VSIG10L: variants seen among roughly 807,000 people sequenced by gnomAD.
VSIG10L encodes the protein V-set and immunoglobulin domain containing 10 like.
VSIG10L carries 63 observed loss-of-function variants against 67.3 expected under a neutral mutation model. The observed-to-expected ratio is 0.94, with a 90% CI of 0.76 to 1.15. The LOEUF (loss-of-function observed/expected upper bound fraction) is 1.15. Among genes scored for constraint, VSIG10L ranks in the 50% most tolerant of loss-of-function variants. The pLI, the probability that VSIG10L is intolerant of heterozygous loss-of-function variation, is 0.00. For synonymous variants in VSIG10L, 499 were observed against 524.9 expected (o/e 0.95, Z 0.67); for missense variants, 1,050 against 1,177.5 (o/e 0.89, Z 1.58).
intron 4 of VSIG10L, chr19:51,339,641 C>G (rs1175507600): frequency 4.6e-6 from 1 of 216,956 alleles, no homozygotes; most frequent in East Asian, 1.0e-4. Context: ...TAGTTCTTTC[C>G]TTTTCTAACT....
chr19:51,339,793 C>G, intron 4 of VSIG10L: 1 of 481,370 alleles, frequency 2.1e-6, no homozygotes, highest in Non-Finnish European at 3.3e-6. Flanking sequence ...TATCCTCTTT[C>G]TGGCCCCGCC....
Position 51,341,951 on chromosome 19 carries a change from A to G in VSIG10L, c.97T>C (p.Phe33Leu). 6.4e-7 allele frequency: 1 copy of G among 1,551,680 alleles called. No individual in the cohort carries two copies. The highest frequency in any genetic ancestry group is 8.7e-7 in the Non-Finnish European group (1 of 1,146,980). ...RASSGLQQTN[F>L]SSAFSSDSKS... is the part of the protein sequence containing the mutation. ...GAGTCTGAAGAGAAGGCAGAGGAGA[A>G]GTTGGTTTGCTGAAGTCCAGAAGAG... The change falls in exon 2 of 10, where the codon TTC (phenylalanine) becomes CTC (leucine). Residue 33 changes from phenylalanine (F) to leucine (L), a missense_variant. Phe to Leu is a conservative substitution (Grantham distance 22, BLOSUM62 0). Around this residue, in one of 3 missense-constraint regions of VSIG10L, gnomAD observed 511 missense variants for 557.9 expected, o/e 0.92. Coordinates refer to ENST00000335624, the MANE Select transcript of VSIG10L (RefSeq NM_001163922.3).
intron 9 of VSIG10L, among the ~76,000 whole-genome samples, 182 bp downstream of exon 9, chr19:51,333,609 C>T (rs1348300749): frequency 6.6e-6 from 1 of 151,850 alleles, no homozygotes; most frequent in African/African-American, 2.4e-5. Context: ...TTTTAATATA[C>T]ATCAAAGTTG....
chr19:51,337,618 G>C, intron 6 of VSIG10L, 84 bp from the exon 7 acceptor site: 2 of 995,616 alleles, frequency 2.0e-6, no homozygotes, highest in Non-Finnish European at 2.8e-6. Context: ...CTGGGTCTGA[G>C]GGGGAGGGGG....
chr19:51,339,373 AATG>A (rs1460618040), intron 4 of VSIG10L, among the ~76,000 whole-genome samples: 5 of 151,936 alleles, frequency 3.3e-5, no homozygotes, highest in Non-Finnish European at 7.4e-5. Context: ...ATCTTCACAC[AATG>A]ATATTTCTCT....
rs1169583988 is a variant in VSIG10L, at chr19:51,340,484, C to T, written c.1138G>A (p.Val380Ile). 1 of 1,516,644 alleles carries T rather than the reference C, an allele frequency of 6.6e-7. No homozygotes were observed. The highest frequency in any genetic ancestry group is 8.8e-7 in the Non-Finnish European group (1 of 1,133,364). 93.9% of individuals were successfully genotyped at this position (1,516,644 alleles called of 1,614,324 possible). ...RSDHARYTCRVRSPFGHREAA... is the reference protein window; with the variant it reads ...RSDHARYTCRIRSPFGHREAA... ...TCCCTGTGGCCGAAGGGGCTGCGGACGCGGCAAGTGTACCGGGCGTGGTCG... is the reference window on the plus strand; with the variant it reads ...TCCCTGTGGCCGAAGGGGCTGCGGATGCGGCAAGTGTACCGGGCGTGGTCG... The change falls in exon 3 of 10, where the codon GTC (valine) becomes ATC (isoleucine). Residue 380 changes from valine to isoleucine, a missense_variant. Physicochemically the swap from Val to Ile is conservative, Grantham distance 29. Coordinates refer to ENST00000335624, the MANE Select transcript of VSIG10L (RefSeq NM_001163922.3). This position sits in a 1 kb window ranked among gnomAD's most constrained non-coding sequence, Gnocchi z 6.3.
intron 5 of VSIG10L, 43 bp downstream of exon 5, chr19:51,338,845 C>T (rs1457446836): frequency 1.5e-6 from 2 of 1,351,378 alleles, no homozygotes; most frequent in South Asian, 1.8e-5. Flanking sequence ...AAAAAGTCTC[C>T]CTCCTCCTCG....
chr19:51,340,469 C>A lies in VSIG10L; in HGVS notation c.1153G>T (p.Gly385Cys). The A allele has an allele frequency of 1.3e-6, 2 of 1,507,528 alleles. No individual in the cohort carries two copies. The highest frequency in any genetic ancestry group is 1.8e-6 in the Non-Finnish European group (2 of 1,128,116). The allele number at this position is 1,507,528 out of a possible 1,614,324, so 93.4% of individuals were successfully genotyped here. Residue 385 changes from glycine to cysteine, a missense_variant, in exon 3 of 10, where the codon GGC (glycine) becomes TGC (cysteine). Physicochemically the swap from Gly to Cys is radical, Grantham distance 159. Transcript: ENST00000335624. This position sits in a 1 kb window ranked among gnomAD's most constrained non-coding sequence, Gnocchi z 6.3. ...ACGTCGGCGGCAGCCTCCCTGTGGCCGAAGGGGCTGCGGACGCGGCAAGTG... is the reference window on the plus strand; with the variant it reads ...ACGTCGGCGGCAGCCTCCCTGTGGCAGAAGGGGCTGCGGACGCGGCAAGTG... ...RYTCRVRSPF[G>C]HREAAADVSV...
chr19:51,340,253 G>T lies in VSIG10L; in HGVS notation c.1236C>A (p.Ala412=). The change falls in exon 4 of 10, where the codon GCC becomes GCA. Residue 412 remains alanine (A), a synonymous_variant. Transcript: ENST00000335624. This position sits in a 1 kb window ranked among gnomAD's most constrained non-coding sequence, Gnocchi z 6.3. ...PTITVSSDRD[A]APARFVTAGS... ...CCGCGGTGACAAAGCGGGCAGGCGC[G>T]GCGTCGCGGTCCGAGGAGACCGTGA... is the stretch of plus-strand genomic sequence containing the variant. 2 of 1,513,390 alleles carry T rather than the reference G, an allele frequency of 1.3e-6. No homozygotes were observed. The highest frequency in any genetic ancestry group is 2.1e-4 in the Middle Eastern group (1 of 4,718). The allele number at this position is 1,513,390 out of a possible 1,614,324, so 93.7% of individuals were successfully genotyped here.
Position 51,332,612 on chromosome 19 carries a change from TAC to T in VSIG10L, c.2601_2602del (p.Ter868GlyfsTer14). The T allele has an allele frequency of 3.3e-6, 5 of 1,537,652 alleles. No homozygotes were observed. The highest frequency in any genetic ancestry group is 3.3e-4 in the Middle Eastern group (2 of 5,972). On this transcript the variant is annotated frameshift_variant and stop_lost, in exon 10 of 10. Transcript: ENST00000335624. LOFTEE classifies it high-confidence loss of function. ...CGCGAACAGTCTTTGAGCCTCCGCC[TAC>T]AGAGACAACTGAACTGGGGTCTGTG...
At position 51,341,913 on chromosome 19, in the gene VSIG10L, G is replaced by A. The variant is rs555114719; in HGVS notation, c.135C>T (p.Ser45=). ...AGGGAACTTCCACACCCAGCCCCTG[G>A]GAAGAGCTCTTTGAGTCTGAAGAGA... ...SAFSSDSKSS[S]QGLGVEVPSI... is the part of the protein sequence containing the mutation. The change falls in exon 2 of 10, where the codon TCC becomes TCT. Residue 45 remains serine, a synonymous_variant. Coordinates refer to ENST00000335624, the MANE Select transcript of VSIG10L (RefSeq NM_001163922.3). 336 of 1,551,704 alleles carry A rather than the reference G, an allele frequency of 2.2e-4. No individual in the cohort carries two copies. Among genetic ancestry groups the A allele is most frequent in the Non-Finnish European group, 2.8e-4 (319 of 1,146,992 alleles).
intron 7 of VSIG10L, among the ~76,000 whole-genome samples, chr19:51,336,004 A>G (rs1041886558): frequency 2.6e-5 from 4 of 152,200 alleles, no homozygotes; most frequent in African/African-American, 9.7e-5. Context: ...TTTGGGAGTC[A>G]TCTGATTATT....
rs1441403525 is a variant in VSIG10L, at chr19:51,337,418, G to A, written c.2125C>T (p.Pro709Ser). 1.3e-6 allele frequency: 2 copies of A among 1,551,592 alleles called. No individual in the cohort carries two copies. The highest frequency in any genetic ancestry group is 4.9e-5 in the East Asian group (2 of 40,930). The change falls in exon 7 of 10, where the codon CCT (proline) becomes TCT (serine). Residue 709 changes from proline to serine, a missense_variant. By Grantham distance (74) the Pro-to-Ser change is moderately conservative. Around this residue, in one of 3 missense-constraint regions of VSIG10L, gnomAD observed 529 missense variants for 584.9 expected, o/e 0.90. Transcript: ENST00000335624. ...TAGGTGGAAGTCCTGCCCAGAGCAG[G>A]CCCATCTGGCCATGCCTGGATCTCA... ...SFEIQAWPDGPALGRTSTYRD... is the reference protein window; with the variant it reads ...SFEIQAWPDGSALGRTSTYRD...
intron 4 of VSIG10L, 69 bp from the exon 5 acceptor site, chr19:51,339,211 C>T: frequency 7.9e-7 from 1 of 1,260,520 alleles, no homozygotes; most frequent in Non-Finnish European, 1.0e-6. Context: ...CGCCTCCCCG[C>T]GCGGTGACTC....
In VSIG10L at chr19:51,340,672, G is replaced by T; in HGVS notation, c.950C>A (p.Ala317Glu). ...CAGGCAGCGCAGCCGGAGCTCGGCC[G>T]CCCCCTCCTCTGTCTCTGGAGCCTT... is the stretch of plus-strand genomic sequence containing the variant. ...QPKAPETEEG[A>E]AELRLRCLGW... The change falls in exon 3 of 10, where the codon GCG (alanine) becomes GAG (glutamate). Residue 317 changes from alanine (A) to glutamate (E), a missense_variant. Ala to Glu is a moderately radical substitution (Grantham distance 107). Transcript: ENST00000335624. This position sits in a 1 kb window ranked among gnomAD's most constrained non-coding sequence, Gnocchi z 6.3. 12 of 1,528,446 alleles carry T rather than the reference G, an allele frequency of 7.9e-6. No homozygotes were observed. Among genetic ancestry groups the T allele is most frequent in the Non-Finnish European group, 1.0e-5 (12 of 1,142,970 alleles). 94.7% of individuals were successfully genotyped at this position (1,528,446 alleles called of 1,614,324 possible).
In VSIG10L at chr19:51,341,478, G is replaced by T. The variant is rs780495593; in HGVS notation, c.570C>A (p.Ser190Arg). The T allele has an allele frequency of 1.0e-4, 160 of 1,548,192 alleles. No individual in the cohort carries two copies. The Admixed American group carries it at 1.5e-3, about 15-fold the overall frequency. The change falls in exon 2 of 10, where the codon AGC (serine) becomes AGA (arginine). Residue 190 changes from serine to arginine, a missense_variant. This residue lies in a region of VSIG10L where 511 missense variants were observed against 557.9 expected (regional missense o/e 0.92). Coordinates refer to ENST00000335624, the MANE Select transcript of VSIG10L (RefSeq NM_001163922.3). Reference protein sequence around the residue: ...KFSAETHSAASFPQQVGGPLA... With the variant: ...KFSAETHSAARFPQQVGGPLA... ...GTGGGCCCCCCACCTGCTGGGGAAAGCTTGCAGCTGAGTGGGTCTCTGCAG... is the reference window on the plus strand; with the variant it reads ...GTGGGCCCCCCACCTGCTGGGGAAATCTTGCAGCTGAGTGGGTCTCTGCAG...
chr19:51,337,030 T>C (rs1252027643), intron 7 of VSIG10L, among the ~76,000 whole-genome samples: 1 of 152,100 alleles, frequency 6.6e-6, no homozygotes, highest in African/African-American at 2.4e-5. Context: ...CCTCCCAAAG[T>C]GCTGGGATTA....
chr19:51,341,247 G>A lies in VSIG10L; in HGVS notation c.801C>T (p.Ala267=). The change falls in exon 2 of 10, where the codon GCC becomes GCT. Residue 267 remains alanine (A), a synonymous_variant. Coordinates refer to ENST00000335624, the MANE Select transcript of VSIG10L (RefSeq NM_001163922.3). ...CCCCTGCATCGTCCAGCTGGGCAGA[G>A]GCGAGCTCCAGAACCCCCCGGGCCT... The part of the protein sequence containing the change: ...FDQARGVLEL[A]SAQLDDAGVY... 1.3e-6 allele frequency: 2 copies of A among 1,550,952 alleles called. No individual in the cohort carries two copies. The highest frequency in any genetic ancestry group is 1.7e-6 in the Non-Finnish European group (2 of 1,146,934).
Position 51,338,157 on chromosome 19 carries a change from C to T in VSIG10L, c.1781G>A (p.Gly594Glu). 6.5e-7 allele frequency: 1 copy of T among 1,526,890 alleles called. No individual in the cohort carries two copies. Among genetic ancestry groups the T allele is most frequent in the African/African-American group, 1.4e-5 (1 of 72,180 alleles). 94.6% of individuals were successfully genotyped at this position (1,526,890 alleles called of 1,614,324 possible). The change falls in exon 6 of 10, where the codon GGG becomes GAG. Residue 594 changes from glycine (G) to glutamate (E), a missense_variant. Gly to Glu is a moderately conservative substitution (Grantham distance 98, BLOSUM62 -2). Around this residue, in one of 3 missense-constraint regions of VSIG10L, gnomAD observed 529 missense variants for 584.9 expected, o/e 0.90. Coordinates refer to ENST00000335624, the MANE Select transcript of VSIG10L (RefSeq NM_001163922.3). ...LHPLVAETRL[G>E]EAEVALEASG... ...GGCCTCCAGTGCCACCTCTGCCTCC[C>T]CCAACCGTGTCTCTGCCACCAGCGG...
Sources: allele counts gnomAD v4.1 joint callset (sites outside exome capture counted in the v4.1 genomes callset), GRCh38; gene constraint gnomAD v4.1.1; regional missense constraint gnomAD v4.1.1; non-coding constraint Gnocchi (gnomAD v3.1); transcripts MANE v1.5; gene names NCBI Gene and HGNC (gene_info 2026-07-23, HGNC 2026-07-21).